MARCHF1: variants seen among roughly 807,000 people sequenced by gnomAD.
MARCHF1 encodes E3 ubiquitin-protein ligase MARCHF1.
MARCHF1 carries 40 observed loss-of-function variants against 54.2 expected under a neutral mutation model. That is an observed-to-expected ratio of 0.74 (90% confidence interval 0.57 to 0.96). The LOEUF (loss-of-function observed/expected upper bound fraction) is 0.96. Ranked by LOEUF, MARCHF1 falls within the 40% of genes least tolerant of loss-of-function variation. The pLI is 0.00. For synonymous variants in MARCHF1, 236 were observed against 236.3 expected, an observed-to-expected ratio of 1.00 and a Z score of 0.01; for missense variants, 586 against 656.5, an observed-to-expected ratio of 0.89 and a Z score of 1.17.
At chr4:163,836,276 C>T (rs879944907) in intron 4 of MARCHF1, among the ~76,000 whole-genome samples, 4 of 150,922 alleles carry the variant, frequency 2.7e-5, no homozygotes, top group Non-Finnish European at 5.9e-5. Context: ...GATGGAGTCT[C>T]GCTCTATCAT....
chr4:163,559,623 A>G (rs1370478827), intron 8 of MARCHF1, among the ~76,000 whole-genome samples: 1 of 152,198 alleles, frequency 6.6e-6, no homozygotes, highest in Non-Finnish European at 1.5e-5. Flanking sequence ...TCACCTCTCA[A>G]AGATGGTCCT....
chr4:163,533,269 G>A lies in MARCHF1; in HGVS notation c.1340-4223C>T, dbSNP rs1345637872. 5.9e-5 allele frequency among the ~76,000 whole-genome samples: 9 copies of A among 152,054 alleles called. No individual in the cohort carries two copies. The East Asian group carries it at 1.2e-3, about 20-fold the overall frequency. ...TCAGTCTGAAAAAGCTACATACTGC[G>A]TGATTCCAACTATGTGACATTCTAG... On this transcript the variant is annotated intron_variant, in intron 9 of 9. Transcript: ENST00000514618.
intron 5 of MARCHF1, among the ~76,000 whole-genome samples, chr4:163,631,202 CT>C (rs11453826): frequency 0.017 from 2,485 of 146,614 alleles, 58 homozygotes; most frequent in African/African-American, 0.055. Flanking sequence ...AGTTGCAGAA[CT>C]TTTTTTTTTT....
chr4:164,143,514 T>C (rs1456516799), intron 1 of MARCHF1, among the ~76,000 whole-genome samples: 1 of 150,944 alleles, frequency 6.6e-6, no homozygotes, highest in Admixed American at 6.6e-5. Context: ...TGGGGGCCAA[T>C]ATTCAACATT....
chr4:164,214,295 A>G (rs1317790438), intron 1 of MARCHF1, among the ~76,000 whole-genome samples: 1 of 152,204 alleles, frequency 6.6e-6, no homozygotes, highest in Non-Finnish European at 1.5e-5. Context: ...TACTACATTT[A>G]TGATAATTTG....
At chr4:164,361,318 G>A (rs1283140020) in intron 1 of MARCHF1, among the ~76,000 whole-genome samples, 1 of 151,740 alleles carries the variant, frequency 6.6e-6, no homozygotes, top group Admixed American at 6.6e-5. Flanking sequence ...ACAGTTATTC[G>A]AAGCTCAAAT....
In MARCHF1 at chr4:164,112,369, T is replaced by C. The variant is rs1026527606; in HGVS notation, c.-322-707A>G. Among the ~76,000 whole-genome samples the C allele has an allele frequency of 2.0e-5, 3 of 151,942 alleles. No individual in the cohort carries two copies. The East Asian group carries it at 5.8e-4, about 29-fold the overall frequency. On this transcript the variant is annotated intron_variant, in intron 1 of 9. Coordinates refer to ENST00000514618, the MANE Select transcript of MARCHF1 (RefSeq NM_001394959.1). Reference sequence around the variant, plus strand: ...TTTGTTTAGTTGAAAGGGCTAAGGATACAATTGTGTGTATAATGAGCTGGC... The same window carrying C: ...TTTGTTTAGTTGAAAGGGCTAAGGACACAATTGTGTGTATAATGAGCTGGC...
At chr4:163,744,536 A>G (rs1293300997) in intron 4 of MARCHF1, among the ~76,000 whole-genome samples, 4 of 152,224 alleles carry the variant, frequency 2.6e-5, no homozygotes, top group East Asian at 1.9e-4. Flanking sequence ...ATGGAAAAAC[A>G]TACTTAATTT....
chr4:164,379,802 C>T (rs968337497), intron 1 of MARCHF1, among the ~76,000 whole-genome samples: 1 of 151,432 alleles, frequency 6.6e-6, no homozygotes, highest in East Asian at 2.0e-4. Context: ...ATGGTGAAAC[C>T]CCATCTATGC....
chr4:163,737,231 T>C (rs1746071295), intron 4 of MARCHF1, among the ~76,000 whole-genome samples: 1 of 70,298 alleles, frequency 1.4e-5, no homozygotes, highest in African/African-American at 3.4e-5. Context: ...TTTTTTTTAT[T>C]ATACTCTAAG....
chr4:163,586,487 A>G (rs1740417687), intron 7 of MARCHF1, among the ~76,000 whole-genome samples: 1 of 152,218 alleles, frequency 6.6e-6, no homozygotes, highest in Non-Finnish European at 1.5e-5. Flanking sequence ...AGCACCAGCC[A>G]TTTTGGAAAA....
chr4:164,157,533 CA>C (rs1477110282), intron 1 of MARCHF1, among the ~76,000 whole-genome samples: 35 of 152,244 alleles, frequency 2.3e-4, no homozygotes, highest in African/African-American at 8.2e-4. Context: ...ACAACAGAAA[CA>C]TGCTGTTTTG....
At chr4:163,805,370 T>TAA (rs5863630) in intron 4 of MARCHF1, among the ~76,000 whole-genome samples, 26 of 148,612 alleles carry the variant, frequency 1.7e-4, no homozygotes, top group Middle Eastern at 3.4e-3. Flanking sequence ...TCACTGTCTC[T>TAA]AAAAAAAAAA....
intron 1 of MARCHF1, among the ~76,000 whole-genome samples, chr4:164,120,833 C>T (rs1594439): frequency 0.17 from 25,121 of 151,684 alleles, 2,529 homozygotes; most frequent in East Asian, 0.49. Context: ...ATAGCAAAAG[C>T]AGTACTAAGA....
At chr4:163,769,463 G>C (rs1747088645) in intron 4 of MARCHF1, among the ~76,000 whole-genome samples, 1 of 152,110 alleles carries the variant, frequency 6.6e-6, no homozygotes. Flanking sequence ...AAATCTATAA[G>C]GTAGGTTCAC....
chr4:164,239,910 A>G (rs1023558990), intron 1 of MARCHF1, among the ~76,000 whole-genome samples: 1 of 152,248 alleles, frequency 6.6e-6, no homozygotes, highest in Admixed American at 6.5e-5. Context: ...ATTATTTTAT[A>G]GAAAATATGT....
chr4:164,171,832 T>A (rs766031249), intron 1 of MARCHF1, among the ~76,000 whole-genome samples: 9 of 152,214 alleles, frequency 5.9e-5, no homozygotes, highest in Non-Finnish European at 1.0e-4. Context: ...AATATTGAAA[T>A]CTAAGGTTAA....
At position 163,664,321 on chromosome 4, in the gene MARCHF1, G is replaced by A. The variant is rs145969413; in HGVS notation, c.162+36492C>T. On this transcript the variant is annotated intron_variant, in intron 5 of 9. Transcript: ENST00000514618. ...GATCAAGTTAATGAAAAGATACTTTGAAATACAGTAACTGGATACTATTTT... is the reference window on the plus strand; with the variant it reads ...GATCAAGTTAATGAAAAGATACTTTAAAATACAGTAACTGGATACTATTTT... Among the ~76,000 whole-genome samples, 1,089 of 152,072 alleles carry A rather than the reference G, an allele frequency of 7.2e-3. 5 individuals are homozygous for A. The highest frequency in any genetic ancestry group is 0.011 in the Non-Finnish European group (745 of 67,966).
chr4:163,597,694 CTTTAG>C (rs913130782), intron 7 of MARCHF1, among the ~76,000 whole-genome samples: 6 of 151,554 alleles, frequency 4.0e-5, no homozygotes. Context: ...TTTTCTCATT[CTTTAG>C]TTAATTAATA....
Sources: gnomAD v4.1 joint callset for allele counts (sites outside exome capture counted in the v4.1 genomes callset) on GRCh38, gnomAD v4.1.1 for gene constraint, MANE v1.5 for transcripts, NCBI Gene and HGNC (gene_info 2026-07-23, HGNC 2026-07-21) for gene names.